BAG2: variants seen among roughly 807,000 people sequenced by gnomAD.
BAG2 encodes BAG family molecular chaperone regulator 2.
Under a neutral mutation model 16.4 loss-of-function variants are expected in BAG2, and 8 were observed. That is an observed-to-expected ratio of 0.49 (90% confidence interval 0.29 to 0.88). The LOEUF (loss-of-function observed/expected upper bound fraction) is 0.88, where lower values mean the gene tolerates loss of function less well. Ranked by LOEUF, BAG2 falls within the 40% of genes least tolerant of loss-of-function variation. The pLI, the probability that BAG2 is intolerant of heterozygous loss-of-function variation, is 0.09. For missense variants in BAG2, 218 were observed against 248.9 expected (o/e 0.88, Z 0.84); for synonymous variants, 82 against 89.2 (o/e 0.92, Z 0.46).
At position 57,185,893 on chromosome 6, in the gene BAG2, A is replaced by C. The variant is rs2127994068; in HGVS notation, c.*1703A>C. 6.6e-6 allele frequency: 1 copy of C among 152,260 alleles called. No individual in the cohort carries two copies. The highest frequency in any genetic ancestry group is 3.4e-3 in the Middle Eastern group (1 of 294). 9.4% of individuals were successfully genotyped at this position (152,260 alleles called of 1,614,324 possible). A position where few individuals can be genotyped will look rare whatever the true frequency, so the allele number is the denominator to read the frequency against. On this transcript the variant is annotated 3_prime_UTR_variant, in exon 3 of 3. Coordinates refer to ENST00000370693, the MANE Select transcript of BAG2 (RefSeq NM_004282.4). ...GTCCAGGACTTTTTCTACACAAATT[A>C]TTCTGGCTCTGCCTCCTTGACCTTG... is the stretch of plus-strand genomic sequence containing the variant.
Position 57,184,217 on chromosome 6 carries a change from AT to A in BAG2, c.*28del. The A allele has an allele frequency of 6.8e-7, 1 of 1,480,482 alleles. No individual in the cohort carries two copies. The highest frequency in any genetic ancestry group is 8.9e-7 in the Non-Finnish European group (1 of 1,119,634). The allele number at this position is 1,480,482 out of a possible 1,614,324, so 91.7% of individuals were successfully genotyped here. On this transcript the variant is annotated 3_prime_UTR_variant, in exon 3 of 3. Coordinates refer to ENST00000370693, the MANE Select transcript of BAG2 (RefSeq NM_004282.4). Reference sequence around the variant, plus strand: ...CTTCAAACCTAAGAGCATTTACACAATACACAAGGTGTAAAAATGATAAAAT... The same window carrying A: ...CTTCAAACCTAAGAGCATTTACACAAACACAAGGTGTAAAAATGATAAAAT...
chr6:57,182,154 T>C lies in BAG2; in HGVS notation c.223+13T>C, dbSNP rs375376850. 1.9e-5 allele frequency: 31 copies of C among 1,606,300 alleles called. No homozygotes were observed. Among genetic ancestry groups the C allele is most frequent in the Non-Finnish European group, 2.4e-5 (28 of 1,173,548 alleles). Reference sequence around the variant, plus strand: ...CAGATCAGTGACGGTGAGAGCCATCTCCACAGAAGGGGCTCATCTTTTACA... The same window carrying C: ...CAGATCAGTGACGGTGAGAGCCATCCCCACAGAAGGGGCTCATCTTTTACA... On this transcript the variant is annotated intron_variant, in intron 2 of 2. Transcript: ENST00000370693.
Position 57,186,422 on chromosome 6 carries a change from T to C in BAG2, c.*2232T>C, listed in dbSNP as rs1364320321. ...ACCTCCACCTCCCGGGTTCAAGCGA[T>C]TCTCCTGCCTCAGCCTCCCTAGTAG... is the stretch of plus-strand genomic sequence containing the variant. On this transcript the variant is annotated 3_prime_UTR_variant, in exon 3 of 3. Transcript: ENST00000370693. 1 of 152,472 alleles carries C rather than the reference T, an allele frequency of 6.6e-6. No homozygotes were observed. Among genetic ancestry groups the C allele is most frequent in the Non-Finnish European group, 1.5e-5 (1 of 68,280 alleles). 9.4% of individuals were successfully genotyped at this position (152,472 alleles called of 1,614,324 possible). A position where few individuals can be genotyped will look rare whatever the true frequency, so the allele number is the denominator to read the frequency against.
At position 57,183,990 on chromosome 6, in the gene BAG2, G is replaced by C; in HGVS notation, c.436G>C (p.Val146Leu). 1.9e-6 allele frequency: 3 copies of C among 1,612,924 alleles called. No individual in the cohort carries two copies. The highest frequency in any genetic ancestry group is 1.7e-6 in the Non-Finnish European group (2 of 1,179,728). ...GCTCTACAGTGCATGTTCATCTGAG[G>C]TGCCACATGGGCCAGTTGATCAGAA... ...MSLYSACSSEVPHGPVDQKFQ... is the reference protein window; with the variant it reads ...MSLYSACSSELPHGPVDQKFQ... Residue 146 changes from valine (V) to leucine (L), a missense_variant, in exon 3 of 3, where the codon GTG becomes CTG. Coordinates refer to ENST00000370693, the MANE Select transcript of BAG2 (RefSeq NM_004282.4).
intron 1 of BAG2, among the ~76,000 whole-genome samples, chr6:57,176,119 G>T (rs1764277432): frequency 6.6e-6 from 1 of 152,194 alleles, no homozygotes; most frequent in Non-Finnish European, 1.5e-5. Flanking sequence ...AAAACACAGT[G>T]TGAGAGTTTT....
In BAG2 at chr6:57,184,564, T is replaced by G. The variant is rs911070027; in HGVS notation, c.*374T>G. The G allele has an allele frequency of 1.9e-5, 3 of 159,918 alleles. No homozygotes were observed. The highest frequency in any genetic ancestry group is 7.2e-5 in the African/African-American group (3 of 41,578). The allele number at this position is 159,918 out of a possible 1,614,324, so 9.9% of individuals were successfully genotyped here. A position where few individuals can be genotyped will look rare whatever the true frequency, so the allele number is the denominator to read the frequency against. On this transcript the variant is annotated 3_prime_UTR_variant, in exon 3 of 3. Transcript: ENST00000370693. ...CCTTGGGCATTTAGTTTACTAGAAATTCTTTACCTTAAGCAGCACACACAT... is the reference window on the plus strand; with the variant it reads ...CCTTGGGCATTTAGTTTACTAGAAAGTCTTTACCTTAAGCAGCACACACAT...
At chr6:57,172,838 G>T (rs1028177104) in intron 1 of BAG2, 28 bp downstream of exon 1, 61 of 1,449,622 alleles carry the variant, frequency 4.2e-5, no homozygotes, top group Non-Finnish European at 5.3e-5. Context: ...GGTCTCGGGC[G>T]TTCTGCTCGC....
intron 1 of BAG2, chr6:57,173,318 C>T: frequency 3.0e-6 from 3 of 985,476 alleles, no homozygotes; most frequent in Non-Finnish European, 3.6e-6. Flanking sequence ...ACAAAACCAA[C>T]CCAGCAATCC....
At chr6:57,181,697 A>T (rs1048252421) in intron 1 of BAG2, among the ~76,000 whole-genome samples, 1 of 152,238 alleles carries the variant, frequency 6.6e-6, no homozygotes, top group East Asian at 1.9e-4. Flanking sequence ...TGTCTCAAAA[A>T]CAAAAAACAA....
At position 57,172,661 on chromosome 6, in the gene BAG2, C is replaced by T. The variant is rs749287958; in HGVS notation, c.-37C>T. The T allele has an allele frequency of 9.7e-6, 14 of 1,450,442 alleles. No individual in the cohort carries two copies. Among genetic ancestry groups the T allele is most frequent in the Admixed American group, 4.9e-5 (2 of 40,920 alleles). The allele number at this position is 1,450,442 out of a possible 1,614,324, so 89.8% of individuals were successfully genotyped here. A position where few individuals can be genotyped will look rare whatever the true frequency, so the allele number is the denominator to read the frequency against. On this transcript the variant is annotated 5_prime_UTR_variant, in exon 1 of 3. Transcript: ENST00000370693. ...GCTCCACTCGCTGCCGCCGGAGGGG[C>T]CGGTGACCTCTTGGCTACCCCGCGT... is the stretch of plus-strand genomic sequence containing the variant.
Position 57,184,084 on chromosome 6 carries a change from T to C in BAG2, c.530T>C (p.Leu177Pro). Residue 177 changes from leucine to proline, a missense_variant, in exon 3 of 3, where the codon CTG becomes CCG. Leu to Pro is a moderately conservative substitution (Grantham distance 98). This residue lies in a region of BAG2 where 113 missense variants were observed against 128.0 expected (regional missense o/e 0.88). Coordinates refer to ENST00000370693, the MANE Select transcript of BAG2 (RefSeq NM_004282.4). The part of the protein sequence containing the change: ...QKKIKRRLET[L>P]LRNIENSDKA... Reference sequence around the variant, plus strand: ...AAAATTAAGAGAAGATTAGAGACTCTGCTTAGAAATATTGAAAACTCTGAC... The same window carrying C: ...AAAATTAAGAGAAGATTAGAGACTCCGCTTAGAAATATTGAAAACTCTGAC... The C allele has an allele frequency of 6.2e-7, 1 of 1,610,754 alleles. No individual in the cohort carries two copies. Among genetic ancestry groups the C allele is most frequent in the Non-Finnish European group, 8.5e-7 (1 of 1,179,324 alleles).
chr6:57,177,315 C>T (rs1187524494), intron 1 of BAG2, among the ~76,000 whole-genome samples: 1 of 152,138 alleles, frequency 6.6e-6, no homozygotes, highest in African/African-American at 2.4e-5. Context: ...ACTCGGGAGG[C>T]TGAGGCAGGA....
At chr6:57,179,525 T>C (rs2127992793) in intron 1 of BAG2, among the ~76,000 whole-genome samples, 1 of 152,232 alleles carries the variant, frequency 6.6e-6, no homozygotes, top group Admixed American at 6.5e-5. Flanking sequence ...TGCTAAAACA[T>C]TGGTGAAGTT....
rs1030893667 is a variant in BAG2, at chr6:57,187,782, A to C, written c.*3592A>C. ...GTTCCTTCTGAGCACTGCACTGCCA[A>C]CTTCTAAAGCAACCACCTAGAACTT... On this transcript the variant is annotated 3_prime_UTR_variant, in exon 3 of 3. Coordinates refer to ENST00000370693, the MANE Select transcript of BAG2 (RefSeq NM_004282.4). 4 of 152,074 alleles carry C rather than the reference A, an allele frequency of 2.6e-5. No individual in the cohort carries two copies. Among genetic ancestry groups the C allele is most frequent in the African/African-American group, 9.7e-5 (4 of 41,392 alleles). The allele number at this position is 152,074 out of a possible 1,614,324, so 9.4% of individuals were successfully genotyped here.
intron 1 of BAG2, among the ~76,000 whole-genome samples, chr6:57,180,385 GA>G (rs1466061921): frequency 3.3e-5 from 5 of 151,834 alleles, no homozygotes; most frequent in African/African-American, 1.2e-4. Flanking sequence ...CTTTAAAGAA[GA>G]TTGAGGGACC....
Position 57,184,820 on chromosome 6 carries a change from T to C in BAG2, c.*630T>C, listed in dbSNP as rs1259439457. The C allele has an allele frequency of 6.6e-6, 1 of 152,642 alleles. No individual in the cohort carries two copies. The highest frequency in any genetic ancestry group is 1.5e-5 in the Non-Finnish European group (1 of 68,030). The allele number at this position is 152,642 out of a possible 1,614,324, so 9.5% of individuals were successfully genotyped here. On this transcript the variant is annotated 3_prime_UTR_variant, in exon 3 of 3. Coordinates refer to ENST00000370693, the MANE Select transcript of BAG2 (RefSeq NM_004282.4). ...TAATTTACCACTGTGAACAATTATA[T>C]ATCTATCTGCTTCATCTTTTCTCAA...
At chr6:57,173,714 TAAAAG>T (rs771238289) in intron 1 of BAG2, 9 of 202,152 alleles carry the variant, frequency 4.5e-5, no homozygotes, top group African/African-American at 7.1e-5. Flanking sequence ...CAGGTGTAGT[TAAAAG>T]AAAATCTTGT....
chr6:57,172,767 C>A lies in BAG2; in HGVS notation c.70C>A (p.Arg24Ser). 1 of 1,576,580 alleles carries A rather than the reference C, an allele frequency of 6.3e-7. No homozygotes were observed. The highest frequency in any genetic ancestry group is 8.6e-7 in the Non-Finnish European group (1 of 1,164,434). ...RFCRSSSMADRSSRLLESLDQ... is the reference protein window; with the variant it reads ...RFCRSSSMADSSSRLLESLDQ... ...CTGCCGCTCCTCCTCCATGGCTGACCGCTCCAGCCGCCTGCTGGAGAGCCT... is the reference window on the plus strand; with the variant it reads ...CTGCCGCTCCTCCTCCATGGCTGACAGCTCCAGCCGCCTGCTGGAGAGCCT... Residue 24 changes from arginine (R) to serine (S), a missense_variant, in exon 1 of 3, where the codon CGC (arginine) becomes AGC (serine). Arg to Ser is a moderately radical substitution (Grantham distance 110). This residue lies in a region of BAG2 where 75 missense variants were observed against 63.1 expected (regional missense o/e 1.19). Transcript: ENST00000370693.
chr6:57,185,971 G>T lies in BAG2; in HGVS notation c.*1781G>T, dbSNP rs1195599004. 2 of 152,030 alleles carry T rather than the reference G, an allele frequency of 1.3e-5. No individual in the cohort carries two copies. The highest frequency in any genetic ancestry group is 2.4e-5 in the African/African-American group (1 of 41,376). 9.4% of individuals were successfully genotyped at this position (152,030 alleles called of 1,614,324 possible). On this transcript the variant is annotated 3_prime_UTR_variant, in exon 3 of 3. Coordinates refer to ENST00000370693, the MANE Select transcript of BAG2 (RefSeq NM_004282.4). Reference sequence around the variant, plus strand: ...TTTTGCAATGGAGTTTTTAATGGAGGTCATTGATTTCTGATCACAGACTTG... The same window carrying T: ...TTTTGCAATGGAGTTTTTAATGGAGTTCATTGATTTCTGATCACAGACTTG...
Sources: gnomAD v4.1 joint callset for allele counts (sites outside exome capture counted in the v4.1 genomes callset) on GRCh38, gnomAD v4.1.1 for gene constraint, gnomAD v4.1.1 regional missense constraint, MANE v1.5 for transcripts, NCBI Gene and HGNC (gene_info 2026-07-23, HGNC 2026-07-21) for gene names.